Variants in MCC observed in about 807,000 individuals in gnomAD.
The protein encoded by MCC is MCC regulator of Wnt signaling pathway.
In MCC, 90 loss-of-function variants were observed where a neutral mutation model predicts 116.2. The ratio of observed to expected loss-of-function variants is 0.77; its 90% CI spans 0.65 to 0.92. The LOEUF (loss-of-function observed/expected upper bound fraction) is 0.92, where lower values mean the gene tolerates loss of function less well. Among genes scored for constraint, MCC ranks in the 40% least tolerant of loss-of-function variants. MCC has a pLI of 0.00. For synonymous variants in MCC, 578 were observed against 510.5 expected (o/e 1.13, Z -1.78); for missense variants, 1,516 against 1,312.2 (o/e 1.16, Z -2.40).
At chr5:113,379,682 A>G (rs966849824) in intron 2 of MCC, among the ~76,000 whole-genome samples, 4 of 152,236 alleles carry the variant, frequency 2.6e-5, no homozygotes, top group African/African-American at 9.6e-5. Context: ...TGTCTAAAAC[A>G]CATAAAAATT....
intron 3 of MCC, among the ~76,000 whole-genome samples, chr5:113,216,358 C>T (rs763734461): frequency 6.6e-6 from 1 of 152,028 alleles, no homozygotes; most frequent in African/African-American, 2.4e-5. Context: ...AACACTAGCT[C>T]CCCAGGATTC....
chr5:113,438,545 A>C (rs1224180660), intron 1 of MCC, among the ~76,000 whole-genome samples: 3 of 152,216 alleles, frequency 2.0e-5, no homozygotes, highest in Non-Finnish European at 4.4e-5. Context: ...AGGATTAGAC[A>C]TGGTGATTCC....
chr5:113,109,224 T>C (rs989460175), intron 6 of MCC, among the ~76,000 whole-genome samples: 7 of 152,292 alleles, frequency 4.6e-5, no homozygotes, highest in South Asian at 2.1e-4. Context: ...CCGATGTTCA[T>C]AGCAGCATTA....
At chr5:113,349,529 T>C (rs947643055) in intron 2 of MCC, among the ~76,000 whole-genome samples, 3 of 152,022 alleles carry the variant, frequency 2.0e-5, no homozygotes, top group Non-Finnish European at 2.9e-5. Context: ...AAACTGAGTA[T>C]AGAAGGGATA....
At chr5:113,250,755 C>T (rs977910221) in intron 3 of MCC, among the ~76,000 whole-genome samples, 5 of 152,150 alleles carry the variant, frequency 3.3e-5, no homozygotes, top group Non-Finnish European at 5.9e-5. Context: ...ACGCATGTGG[C>T]TTTTTCTAAG....
intron 5 of MCC, among the ~76,000 whole-genome samples, chr5:113,136,647 T>C (rs1758844441): frequency 1.3e-5 from 2 of 152,206 alleles, no homozygotes; most frequent in South Asian, 2.1e-4. Flanking sequence ...GATTCTCTGA[T>C]TGTTATTGGT....
intron 3 of MCC, among the ~76,000 whole-genome samples, chr5:113,231,709 G>A (rs1230233844): frequency 1.3e-5 from 2 of 152,122 alleles, no homozygotes; most frequent in Admixed American, 6.6e-5. Context: ...TAAGATAGTC[G>A]TGATTACCAA....
chr5:113,108,352 A>G (rs1386370971), intron 6 of MCC, among the ~76,000 whole-genome samples: 2 of 149,088 alleles, frequency 1.3e-5, no homozygotes, highest in African/African-American at 4.9e-5. Context: ...AAAAAAAAAA[A>G]AAAAAAAAAG....
At chr5:113,087,119 A>G (rs1440101612) in intron 8 of MCC, among the ~76,000 whole-genome samples, 1 of 152,252 alleles carries the variant, frequency 6.6e-6, no homozygotes, top group African/African-American at 2.4e-5. Flanking sequence ...AGGCAGGCAC[A>G]TGGCCCCTTC....
intron 3 of MCC, among the ~76,000 whole-genome samples, chr5:113,222,611 T>A (rs1307922993): frequency 6.6e-6 from 1 of 152,206 alleles, no homozygotes; most frequent in Non-Finnish European, 1.5e-5. Flanking sequence ...AGGATAAAAA[T>A]ACATTTGTAA....
intron 3 of MCC, among the ~76,000 whole-genome samples, chr5:113,181,569 C>A (rs949651887): frequency 6.6e-6 from 1 of 152,142 alleles, no homozygotes; most frequent in Non-Finnish European, 1.5e-5. Context: ...TGACTGTGCA[C>A]CTGCTGTCAG....
At chr5:113,216,454 A>G (rs1581263797) in intron 3 of MCC, among the ~76,000 whole-genome samples, 1 of 152,188 alleles carries the variant, frequency 6.6e-6, no homozygotes, top group Non-Finnish European at 1.5e-5. Context: ...TCAGTGACCT[A>G]TAGTATAAAT....
chr5:113,360,541 G>A lies in MCC; in HGVS notation c.416-19811C>T, dbSNP rs552438155. Among the ~76,000 whole-genome samples the A allele has an allele frequency of 2.0e-5, 3 of 152,272 alleles. No individual in the cohort carries two copies. The South Asian group carries it at 6.2e-4, about 32-fold the overall frequency. On this transcript the variant is annotated intron_variant, in intron 2 of 18. Transcript: ENST00000408903. Reference sequence around the variant, plus strand: ...TGAATGTTAGGTAGACGTCACCAGTGAAGCTGTCTGGGCCTGGAATTTTCT... The same window carrying A: ...TGAATGTTAGGTAGACGTCACCAGTAAAGCTGTCTGGGCCTGGAATTTTCT...
At chr5:113,474,948 T>C (rs1167321187) in intron 1 of MCC, among the ~76,000 whole-genome samples, 1 of 152,210 alleles carries the variant, frequency 6.6e-6, no homozygotes, top group East Asian at 1.9e-4. Context: ...ATGTAGAATA[T>C]TTTGTTAAGC....
At chr5:113,051,448 G>C (rs1053788055) in intron 15 of MCC, among the ~76,000 whole-genome samples, 3 of 152,240 alleles carry the variant, frequency 2.0e-5, no homozygotes, top group Non-Finnish European at 4.4e-5. Context: ...GCCAGGCCTG[G>C]TGCCTCACAT....
chr5:113,368,588 A>G (rs775091818), intron 2 of MCC, among the ~76,000 whole-genome samples: 52 of 151,068 alleles, frequency 3.4e-4, no homozygotes, highest in Non-Finnish European at 6.0e-4. Flanking sequence ...CACTGAATTT[A>G]TCATTATGAT....
intron 16 of MCC, 66 bp downstream of exon 16, chr5:113,049,027 T>C (rs1257435553): frequency 6.8e-7 from 1 of 1,465,526 alleles, no homozygotes; most frequent in African/African-American, 1.4e-5. Flanking sequence ...GTGTGGCCAG[T>C]GGTCACTGGG....
intron 1 of MCC, among the ~76,000 whole-genome samples, chr5:113,487,135 G>T (rs1440928003): frequency 6.6e-6 from 1 of 151,198 alleles, no homozygotes; most frequent in Non-Finnish European, 1.5e-5. Context: ...GATCAAAATT[G>T]CGTTGAGTCC....
chr5:113,042,972 C>G (rs1406309996), intron 17 of MCC, among the ~76,000 whole-genome samples: 1 of 151,894 alleles, frequency 6.6e-6, no homozygotes, highest in African/African-American at 2.4e-5. Context: ...CTGTAGCACC[C>G]GGGGAAAAAG....
Sources: gnomAD v4.1 joint callset for allele counts (sites outside exome capture counted in the v4.1 genomes callset) on GRCh38, gnomAD v4.1.1 for gene constraint, MANE v1.5 for transcripts, NCBI Gene and HGNC (gene_info 2026-07-23, HGNC 2026-07-21) for gene names.